The following ACSL6 variants were observed in gnomAD, a reference collection of about 807,000 sequenced individuals.
ACSL6 encodes acyl-CoA synthetase long chain family member 6, also known as long-chain-fatty-acid--CoA ligase 6.
In ACSL6, 47 loss-of-function variants were observed where a neutral mutation model predicts 98.2. That is an observed-to-expected ratio of 0.48 (90% confidence interval 0.38 to 0.61). The LOEUF is 0.61. Among genes scored for constraint, ACSL6 ranks in the 20% least tolerant of loss-of-function variants. ACSL6 has a pLI of 0.00. For missense variants in ACSL6, 761 were observed against 913.4 expected, an observed-to-expected ratio of 0.83 and a Z score of 2.15; for synonymous variants, 362 against 336.9, an observed-to-expected ratio of 1.07 and a Z score of -0.82.
At chr5:131,989,328 C>T in intron 5 of ACSL6, 79 bp downstream of exon 5, 1 of 1,343,002 alleles carries the variant, frequency 7.4e-7, no homozygotes, top group South Asian at 1.2e-5. Flanking sequence ...GCCCTACAAA[C>T]AGTGAAAGCA....
In ACSL6 at chr5:131,951,983, AC is replaced by A. The variant is rs1752187134; in HGVS notation, c.*2250del. The A allele has an allele frequency of 5.6e-6, 1 of 177,440 alleles. No individual in the cohort carries two copies. Among genetic ancestry groups the A allele is most frequent in the African/African-American group, 2.4e-5 (1 of 42,302 alleles). The allele number at this position is 177,440 out of a possible 1,614,324, so 11.0% of individuals were successfully genotyped here. ...AAGTTTTACATTACTTGTTTCTGTC[AC>A]ATTGTTCAAAATTCTTTTGGGCTTA... is the stretch of plus-strand genomic sequence containing the variant. On this transcript the variant is annotated 3_prime_UTR_variant, in exon 21 of 21. Coordinates refer to ENST00000651883, the MANE Select transcript of ACSL6 (RefSeq NM_001009185.3).
chr5:131,988,439 A>G (rs946284585), intron 6 of ACSL6: 20 of 1,415,884 alleles, frequency 1.4e-5, no homozygotes, highest in Non-Finnish European at 1.9e-5. Flanking sequence ...AACCTCCTCA[A>G]GCAGAGTCCA....
At chr5:132,011,895 C>G (rs901771141), upstream of ACSL6, 4 of 1,551,296 alleles carry the variant, frequency 2.6e-6, no homozygotes, top group Non-Finnish European at 1.7e-6. The surrounding 1 kb of genome is among the most constrained non-coding windows in gnomAD (Gnocchi z 5.4). Flanking sequence ...TCTCCGGCCC[C>G]GCTCTCCAAC....
chr5:131,968,256 A>G, intron 15 of ACSL6: 1 of 490,494 alleles, frequency 2.0e-6, no homozygotes, highest in South Asian at 2.6e-5. Context: ...TCCGATTCTT[A>G]ATAAGCAGGA....
chr5:132,006,734 TG>T, intron 1 of ACSL6: 1 of 152,258 alleles, frequency 6.6e-6, no homozygotes, highest in Non-Finnish European at 1.5e-5. Flanking sequence ...ACCCAGAAGC[TG>T]TGGGTTCACT....
intron 17 of ACSL6, among the ~76,000 whole-genome samples, chr5:131,964,685 G>A (rs1221297593): frequency 6.6e-6 from 1 of 152,130 alleles, no homozygotes; most frequent in East Asian, 1.9e-4. Context: ...GCAAGTGAGG[G>A]GGCTTGAAGC....
chr5:131,971,412 T>C (rs898523944), intron 14 of ACSL6, 138 bp downstream of exon 14: 35 of 634,200 alleles, frequency 5.5e-5, no homozygotes, highest in Non-Finnish European at 5.9e-5. Context: ...CTGAGTTTTT[T>C]CCTCCTCAGA....
chr5:131,964,145 GA>G (rs1266262292), intron 17 of ACSL6, among the ~76,000 whole-genome samples: 32 of 152,166 alleles, frequency 2.1e-4, no homozygotes, highest in African/African-American at 5.8e-4. Flanking sequence ...AAAAAATGGG[GA>G]AAAAACCCAC....
At chr5:132,006,695 A>C (rs1262013164) in intron 1 of ACSL6, 1 of 152,262 alleles carries the variant, frequency 6.6e-6, no homozygotes, top group Non-Finnish European at 1.5e-5. Context: ...AGCAGCCCTC[A>C]GAGAAGACTC....
intron 1 of ACSL6, among the ~76,000 whole-genome samples, chr5:132,002,682 G>A (rs186176952): frequency 3.3e-5 from 5 of 152,274 alleles, no homozygotes; most frequent in East Asian, 3.9e-4. Context: ...GGGTGGGAAA[G>A]GGTAGAGAAC....
At position 131,962,653 on chromosome 5, in the gene ACSL6, C is replaced by T. The variant is rs1489614135; in HGVS notation, c.1739G>A (p.Arg580Gln). ...AGCAAGTTTAAATATATGCTTTTTCCGATCAATAATTTTAAGAGTTCCTGC... is the reference window on the plus strand; with the variant it reads ...AGCAAGTTTAAATATATGCTTTTTCTGATCAATAATTTTAAGAGTTCCTGC... ...LPAGTLKIID[R>Q]KKHIFKLAQG... Residue 580 changes from arginine to glutamine, a missense_variant, in exon 18 of 21, where the codon CGG (arginine) becomes CAG (glutamine). Coordinates refer to ENST00000651883, the MANE Select transcript of ACSL6 (RefSeq NM_001009185.3). 7 of 1,613,854 alleles carry T rather than the reference C, an allele frequency of 4.3e-6. No homozygotes were observed. Among genetic ancestry groups the T allele is most frequent in the East Asian group, 4.5e-5 (2 of 44,892 alleles).
intron 1 of ACSL6, 115 bp from the exon 2 acceptor site, chr5:131,994,366 A>C (rs1260302593): frequency 1.1e-6 from 1 of 887,030 alleles, no homozygotes; most frequent in African/African-American, 1.7e-5. Context: ...GCCCTCGGGG[A>C]GTTGGGATGT....
Position 131,988,034 on chromosome 5 carries a change from A to T in ACSL6, c.831+14T>A. ...AGCAGTAGCCCAGCAAACCGCCCAG[A>T]AGCAGACCCTCACCTCCACGGCCTG... On this transcript the variant is annotated intron_variant, in intron 7 of 20. Transcript: ENST00000651883. 2 of 1,611,858 alleles carry T rather than the reference A, an allele frequency of 1.2e-6. 1 individual carries two copies. Among genetic ancestry groups the T allele is most frequent in the South Asian group, 2.2e-5 (2 of 90,812 alleles).
chr5:131,950,342 A>G lies in ACSL6; in HGVS notation c.*3892T>C, dbSNP rs1752096372. 1 of 205,056 alleles carries G rather than the reference A, an allele frequency of 4.9e-6. No homozygotes were observed. The highest frequency in any genetic ancestry group is 7.5e-5 in the East Asian group (1 of 13,402). The allele number at this position is 205,056 out of a possible 1,614,324, so 12.7% of individuals were successfully genotyped here. ...CTACTGCCTCTGTGTTACAACCACT[A>G]ATGTGTTCTAACTGAAGAGTTTCTC... On this transcript the variant is annotated 3_prime_UTR_variant, in exon 21 of 21. Coordinates refer to ENST00000651883, the MANE Select transcript of ACSL6 (RefSeq NM_001009185.3).
At chr5:131,962,711 A>T in intron 17 of ACSL6, 33 bp from the exon 18 acceptor site, 2 of 1,611,508 alleles carry the variant, frequency 1.2e-6, no homozygotes, top group South Asian at 1.1e-5. Context: ...TTATAAGAAC[A>T]TGGCACTCTC....
intron 7 of ACSL6, 41 bp downstream of exon 7, chr5:131,988,007 C>T (rs1202031304): frequency 2.5e-6 from 4 of 1,602,290 alleles, no homozygotes; most frequent in East Asian, 4.5e-5. Flanking sequence ...TGGTGACCAG[C>T]CAGCAGTAGC....
chr5:131,991,030 G>C, intron 2 of ACSL6, 63 bp from the exon 3 acceptor site: 2 of 1,398,756 alleles, frequency 1.4e-6, no homozygotes, highest in Non-Finnish European at 2.0e-6. Flanking sequence ...GGAGAGGGCC[G>C]CAGCATGCAC....
intron 19 of ACSL6, 126 bp downstream of exon 19, chr5:131,960,394 T>C (rs1029366743): frequency 6.2e-6 from 4 of 640,480 alleles, no homozygotes; most frequent in Middle Eastern, 5.2e-4. Flanking sequence ...CCCCACTATA[T>C]ATAAAGTAAT....
chr5:131,966,331 G>T, intron 17 of ACSL6, 85 bp downstream of exon 17: 2 of 1,322,000 alleles, frequency 1.5e-6, no homozygotes, highest in South Asian at 1.2e-5. Flanking sequence ...GGGGGGATTT[G>T]GAGAAGACTC....
Sources: gnomAD v4.1 joint callset for allele counts (sites outside exome capture counted in the v4.1 genomes callset) on GRCh38, gnomAD v4.1.1 for gene constraint, Gnocchi (gnomAD v3.1) non-coding constraint, MANE v1.5 for transcripts, NCBI Gene and HGNC (gene_info 2026-07-23, HGNC 2026-07-21) for gene names.